NR3C1: variants seen among roughly 807,000 people sequenced by gnomAD.
NR3C1 encodes glucocorticoid receptor.
NR3C1 carries 14 observed loss-of-function variants against 74.0 expected under a neutral mutation model. The ratio of observed to expected loss-of-function variants is 0.19; its 90% CI spans 0.12 to 0.30. The LOEUF (loss-of-function observed/expected upper bound fraction) is 0.30. Ranked by LOEUF, NR3C1 falls within the 10% of genes least tolerant of loss-of-function variation. The pLI is 1.00. For missense variants in NR3C1, 695 were observed against 909.8 expected (o/e 0.76, Z 3.04); for synonymous variants, 308 against 332.5 (o/e 0.93, Z 0.80).
At chr5:143,400,877 G>T (rs1840143152) in intron 1 of NR3C1, 25 bp from the exon 2 acceptor site, 1 of 1,547,668 alleles carries the variant, frequency 6.5e-7, no homozygotes. Flanking sequence ...ACAAAAACGG[G>T]GGGAAAACAT....
At chr5:143,424,058 G>GA in intron 1 of NR3C1, among the ~76,000 whole-genome samples, 1 of 118,222 alleles carries the variant, frequency 8.5e-6, no homozygotes, top group Non-Finnish European at 1.8e-5. Flanking sequence ...TCTGGGGACT[G>GA]TTGTGGGGTG....
intron 2 of NR3C1, among the ~76,000 whole-genome samples, chr5:143,341,883 A>G (rs1828289841): frequency 6.6e-6 from 1 of 152,206 alleles, no homozygotes; most frequent in Admixed American, 6.5e-5. Context: ...CTTAACATCA[A>G]TAATTTTATA....
intron 2 of NR3C1, among the ~76,000 whole-genome samples, chr5:143,383,564 A>G (rs1302001751): frequency 6.6e-6 from 1 of 152,240 alleles, no homozygotes; most frequent in Non-Finnish European, 1.5e-5. Flanking sequence ...GCCAGAGGAT[A>G]CCATCAGATG....
intron 2 of NR3C1, among the ~76,000 whole-genome samples, chr5:143,367,369 C>A (rs796573548): frequency 3.3e-5 from 5 of 152,306 alleles, no homozygotes; most frequent in African/African-American, 1.2e-4. Flanking sequence ...CTCATTCTCA[C>A]CACTGCTATT....
chr5:143,395,351 T>A (rs1211712563), intron 2 of NR3C1, among the ~76,000 whole-genome samples: 1 of 151,948 alleles, frequency 6.6e-6, no homozygotes, highest in Admixed American at 6.5e-5. Context: ...AAAAATCCTT[T>A]CTAAAGGTCA....
At chr5:143,410,506 C>A (rs1356509986) in intron 1 of NR3C1, among the ~76,000 whole-genome samples, 1 of 152,132 alleles carries the variant, frequency 6.6e-6, no homozygotes, top group Non-Finnish European at 1.5e-5. Flanking sequence ...ATTAAATTTT[C>A]TCTATCCTCT....
chr5:143,403,494 G>A lies in NR3C1; in HGVS notation c.-297C>T, dbSNP rs2151949327. 2 of 985,042 alleles carry A rather than the reference G, an allele frequency of 2.0e-6. No individual in the cohort carries two copies. Among genetic ancestry groups the A allele is most frequent in the Non-Finnish European group, 2.4e-6 (2 of 829,918 alleles). The allele number at this position is 985,042 out of a possible 1,614,324, so 61.0% of individuals were successfully genotyped here. On this transcript the variant is annotated 5_prime_UTR_variant, in exon 1 of 9. Transcript: ENST00000394464. ...CGTCCCGGTCCCAGCTGCTTCGGCC[G>A]CTCCGGCTGCGGCGTCTCCTTCCAC...
intron 2 of NR3C1, among the ~76,000 whole-genome samples, chr5:143,391,967 T>C (rs550512237): frequency 2.0e-5 from 3 of 152,070 alleles, no homozygotes; most frequent in African/African-American, 7.2e-5. Context: ...TTCTTTTCTT[T>C]TTTTTTTCTT....
chr5:143,293,545 C>CT (rs1816426591), intron 7 of NR3C1, among the ~76,000 whole-genome samples: 1 of 152,120 alleles, frequency 6.6e-6, no homozygotes, highest in Non-Finnish European at 1.5e-5. Context: ...AGATTATAAA[C>CT]TTAAAAAAAC....
chr5:143,377,885 C>T (rs1045224207), intron 2 of NR3C1, among the ~76,000 whole-genome samples: 2 of 152,174 alleles, frequency 1.3e-5, no homozygotes, highest in Admixed American at 1.3e-4. Flanking sequence ...GGAAAATATC[C>T]TTGGATCCCA....
rs13306585 is a variant in NR3C1, at chr5:143,281,633, T to C, written c.*256A>G. 178 of 420,916 alleles carry C rather than the reference T, an allele frequency of 4.2e-4. 1 individual carries two copies. The East Asian group carries it at 8.8e-3, about 21-fold the overall frequency. 26.1% of individuals were successfully genotyped at this position (420,916 alleles called of 1,614,324 possible). A position where few individuals can be genotyped will look rare whatever the true frequency, so the allele number is the denominator to read the frequency against. Reference sequence around the variant, plus strand: ...GGAGATTACGTCCACATATTAAGGTTTCTAATTTCTGGGATATATTAACTA... The same window carrying C: ...GGAGATTACGTCCACATATTAAGGTCTCTAATTTCTGGGATATATTAACTA... On this transcript the variant is annotated 3_prime_UTR_variant, in exon 9 of 9. Transcript: ENST00000394464.
chr5:143,431,238 T>G (rs552809968), intron 1 of NR3C1, among the ~76,000 whole-genome samples: 1 of 152,156 alleles, frequency 6.6e-6, no homozygotes, highest in Non-Finnish European at 1.5e-5. Flanking sequence ...CATTTTTCAA[T>G]AGGGCTTAGG....
chr5:143,309,420 C>A (rs1307522597), intron 4 of NR3C1, among the ~76,000 whole-genome samples: 1 of 152,150 alleles, frequency 6.6e-6, no homozygotes, highest in Non-Finnish European at 1.5e-5. Context: ...TTTGATTGAG[C>A]AGTTTTTCAA....
chr5:143,357,955 C>CA (rs547899785), intron 2 of NR3C1, among the ~76,000 whole-genome samples: 1 of 151,956 alleles, frequency 6.6e-6, no homozygotes, highest in African/African-American at 2.4e-5. Context: ...CCTGAGATAA[C>CA]AAAAAAACGT....
chr5:143,366,771 G>T (rs756292253), intron 2 of NR3C1, among the ~76,000 whole-genome samples: 2 of 152,080 alleles, frequency 1.3e-5, no homozygotes, highest in Admixed American at 6.6e-5. Context: ...AAAAAAATCT[G>T]AATGGACTTA....
intron 2 of NR3C1, among the ~76,000 whole-genome samples, chr5:143,387,482 C>T (rs548979647): frequency 5.4e-4 from 82 of 152,308 alleles, no homozygotes; most frequent in African/African-American, 1.9e-3. Flanking sequence ...CTCCCTGCCA[C>T]ATTTTAAGAT....
At chr5:143,415,131 A>G (rs906437576) in intron 1 of NR3C1, among the ~76,000 whole-genome samples, 1 of 152,208 alleles carries the variant, frequency 6.6e-6, no homozygotes, top group Non-Finnish European at 1.5e-5. Context: ...ATCCAAACAT[A>G]CAGAAGGTAG....
At chr5:143,345,630 G>A (rs1468977855) in intron 2 of NR3C1, among the ~76,000 whole-genome samples, 1 of 152,226 alleles carries the variant, frequency 6.6e-6, no homozygotes, top group Non-Finnish European at 1.5e-5. Flanking sequence ...TCTGAGCTAT[G>A]TGGTGACAGG....
At chr5:143,310,947 C>T (rs1599846550) in intron 3 of NR3C1, among the ~76,000 whole-genome samples, 1 of 152,222 alleles carries the variant, frequency 6.6e-6, no homozygotes, top group African/African-American at 2.4e-5. Flanking sequence ...TGAGCCACCA[C>T]GCCCAGCCAA....
Sources: allele counts gnomAD v4.1 joint callset (sites outside exome capture counted in the v4.1 genomes callset), GRCh38; gene constraint gnomAD v4.1.1; transcripts MANE v1.5; gene names NCBI Gene and HGNC (gene_info 2026-07-23, HGNC 2026-07-21).